Variants in MEIOSIN observed in about 807,000 individuals in gnomAD.
MEIOSIN encodes the protein meiosis initiator protein.
In MEIOSIN, 18 loss-of-function variants were observed where a neutral mutation model predicts 23.4. That is an observed-to-expected ratio of 0.77 (90% CI 0.53 to 1.14). The LOEUF is 1.14. Among genes scored for constraint, MEIOSIN ranks in the 50% most tolerant of loss-of-function variants. MEIOSIN has a pLI of 0.00. For missense variants in MEIOSIN, 428 were observed against 242.9 expected (o/e 1.76, Z -5.07); for synonymous variants, 187 against 100.6 (o/e 1.86, Z -5.14).
Position 45,763,967 on chromosome 19 carries a change from C to T in MEIOSIN, c.1770-4C>T. ...GCCAGGCCATCCTGCCACCGTCTCC[C>T]CAGCACCAAGGCTCGCAGGTTCAGC... On this transcript the variant is annotated splice_polypyrimidine_tract_variant and splice_region_variant and intron_variant, in intron 14 of 14. Coordinates refer to ENST00000457052, the MANE Select transcript of MEIOSIN (RefSeq NM_001310124.2). The T allele has an allele frequency of 2.5e-6, 1 of 398,738 alleles. No homozygotes were observed. Among genetic ancestry groups the T allele is most frequent in the Non-Finnish European group, 4.4e-6 (1 of 226,156 alleles). The allele number at this position is 398,738 out of a possible 1,614,324, so 24.7% of individuals were successfully genotyped here.
At chr19:45,751,313 T>TAATAATAA (rs1228365499) in intron 5 of MEIOSIN, among the ~76,000 whole-genome samples, 5 of 95,600 alleles carry the variant, frequency 5.2e-5, no homozygotes, top group South Asian at 7.5e-4. Flanking sequence ...AATAATAATA[T>TAATAATAA]ATACATAAAA....
intron 4 of MEIOSIN, among the ~76,000 whole-genome samples, chr19:45,746,157 AG>A (rs948128944): frequency 3.6e-4 from 54 of 151,676 alleles, no homozygotes; most frequent in African/African-American, 1.3e-3. Context: ...GGTAGAGACG[AG>A]GTTTTACCAT....
intron 5 of MEIOSIN, 96 bp from the exon 6 acceptor site, chr19:45,753,555 G>C: frequency 4.9e-6 from 3 of 616,034 alleles, no homozygotes; most frequent in East Asian, 2.8e-5. Flanking sequence ...GGCCCACCCT[G>C]ACCCGGGACT....
At chr19:45,749,867 G>C (rs1568556609) in intron 4 of MEIOSIN, among the ~76,000 whole-genome samples, 1 of 151,398 alleles carries the variant, frequency 6.6e-6, no homozygotes, top group Non-Finnish European at 1.5e-5. Context: ...AGCTGGGCCT[G>C]GTGGCACGCA....
rs762002274 is a variant in MEIOSIN at position 45,745,087 on chromosome 19, G to T, written c.177-105G>T. 13 of 667,482 alleles carry T rather than the reference G, an allele frequency of 1.9e-5. No homozygotes were observed. In the Middle Eastern group the frequency reaches 9.6e-4, roughly 49 times the overall value. 41.3% of individuals were successfully genotyped at this position (667,482 alleles called of 1,614,324 possible). A position where few individuals can be genotyped will look rare whatever the true frequency, so the allele number is the denominator to read the frequency against. On this transcript the variant is annotated intron_variant, in intron 3 of 14. Transcript: ENST00000457052. ...ATTCTGTCCTCGGTGTCCAGGGTGG[G>T]GTGCGGGCAGCCCTAAAATGAGTAA...
intron 4 of MEIOSIN, among the ~76,000 whole-genome samples, chr19:45,746,018 C>T (rs1362544196): frequency 6.6e-6 from 1 of 152,132 alleles, no homozygotes; most frequent in African/African-American, 2.4e-5. Context: ...ACCCAGGCTA[C>T]AGTGTAGTGG....
In MEIOSIN at chr19:45,757,183, G is replaced by T. The variant is rs1461719563; in HGVS notation, c.918G>T (p.Lys306Asn). 1 of 702,798 alleles carries T rather than the reference G, an allele frequency of 1.4e-6. No individual in the cohort carries two copies. The highest frequency in any genetic ancestry group is 2.7e-5 in the East Asian group (1 of 37,304). The allele number at this position is 702,798 out of a possible 1,614,324, so 43.5% of individuals were successfully genotyped here. A position where few individuals can be genotyped will look rare whatever the true frequency, so the allele number is the denominator to read the frequency against. ...GAAACTCCACCTCTTGCAGGCAGAA[G>T]CTGGTGTTCTATGATTCCAGCGAGG... ...LNKTQPHPRQ[K>N]LVFYDSSEDV... Residue 306 changes from lysine to asparagine, a missense_variant, in exon 9 of 15, where the codon AAG becomes AAT. Transcript: ENST00000457052.
At chr19:45,747,490 CT>C (rs1467290706) in intron 4 of MEIOSIN, among the ~76,000 whole-genome samples, 1 of 152,194 alleles carries the variant, frequency 6.6e-6, no homozygotes, top group Non-Finnish European at 1.5e-5. Context: ...TTCCGACCTC[CT>C]TCAGGTGGAG....
At chr19:45,743,367 G>A (rs983288511) in intron 3 of MEIOSIN, among the ~76,000 whole-genome samples, 1 of 151,962 alleles carries the variant, frequency 6.6e-6, no homozygotes, top group African/African-American at 2.4e-5. Context: ...AGAACACATG[G>A]GAAATAATGT....
chr19:45,758,794 G>C (rs1968885744), intron 9 of MEIOSIN, 84 bp from the exon 10 acceptor site: 1 of 650,786 alleles, frequency 1.5e-6, no homozygotes, highest in Admixed American at 2.4e-5. Context: ...GTAGCATCAG[G>C]CACTATCTCC....
At chr19:45,735,231 A>G (rs758610733) in intron 1 of MEIOSIN, 146 bp from the exon 2 acceptor site, 63 of 555,418 alleles carry the variant, frequency 1.1e-4, no homozygotes, top group Non-Finnish European at 1.8e-4. Context: ...TGGGCCCATA[A>G]TTTGTTGGGG....
intron 9 of MEIOSIN, among the ~76,000 whole-genome samples, chr19:45,757,712 G>T (rs1442704161): frequency 6.6e-6 from 1 of 152,082 alleles, no homozygotes; most frequent in East Asian, 1.9e-4. Flanking sequence ...GTAGAGATGG[G>T]GTTTCACCAT....
chr19:45,738,632 A>T (rs2080834044), intron 2 of MEIOSIN, among the ~76,000 whole-genome samples: 1 of 152,200 alleles, frequency 6.6e-6, no homozygotes, highest in African/African-American at 2.4e-5. Context: ...AAAAAAGCAT[A>T]GCTGATTGGG....
intron 13 of MEIOSIN, among the ~76,000 whole-genome samples, chr19:45,762,947 G>A (rs1417497106): frequency 6.6e-6 from 1 of 152,188 alleles, no homozygotes; most frequent in South Asian, 2.1e-4. Flanking sequence ...CCCCACCCAA[G>A]CGACCCCGGG....
In MEIOSIN at chr19:45,739,416, G is replaced by A. The variant is rs770738926; in HGVS notation, c.72-210G>A. ...GATCTGCCTGCCTCAACCTCCCAAA[G>A]TGCTGGGATTACAGGCGTGAGTCAT... On this transcript the variant is annotated intron_variant, in intron 2 of 14. Transcript: ENST00000457052. Among the ~76,000 whole-genome samples the A allele has an allele frequency of 5.9e-5, 9 of 152,158 alleles. No individual in the cohort carries two copies. In the East Asian group the frequency reaches 1.5e-3, roughly 26 times the overall value.
intron 5 of MEIOSIN, among the ~76,000 whole-genome samples, chr19:45,751,272 A>AAATAATAAT (rs145142679): frequency 0.18 from 24,885 of 136,146 alleles, 2,364 homozygotes; most frequent in East Asian, 0.29. Context: ...ACTGTGTCTC[A>AAATAATAAT]AATAATAATA....
chr19:45,738,324 T>C (rs1224788731), intron 2 of MEIOSIN, among the ~76,000 whole-genome samples: 1 of 152,160 alleles, frequency 6.6e-6, no homozygotes, highest in African/African-American at 2.4e-5. Context: ...CTGAAAATAT[T>C]GTATGTCAAA....
chr19:45,761,573 C>G, intron 11 of MEIOSIN, 106 bp from the exon 12 acceptor site: 2 of 601,226 alleles, frequency 3.3e-6, no homozygotes, highest in South Asian at 3.9e-5. Flanking sequence ...CCCTGCCAAT[C>G]TGAGCTGCTG....
intron 5 of MEIOSIN, among the ~76,000 whole-genome samples, chr19:45,751,272 AAATAATAATAATAAT>A (rs145142679): frequency 1.5e-5 from 2 of 136,430 alleles, no homozygotes; most frequent in Admixed American, 7.7e-5. Flanking sequence ...ACTGTGTCTC[AAATAATAATAATAAT>A]AATAATAATA....
Sources: allele counts gnomAD v4.1 joint callset (sites outside exome capture counted in the v4.1 genomes callset), GRCh38; gene constraint gnomAD v4.1.1; transcripts MANE v1.5; gene names NCBI Gene and HGNC (gene_info 2026-07-23, HGNC 2026-07-21).